RFTN1: variants seen among roughly 807,000 people sequenced by gnomAD.
The protein encoded by RFTN1 is raftlin.
Under a neutral mutation model 46.5 loss-of-function variants are expected in RFTN1, and 26 were observed. The observed-to-expected ratio is 0.56, with a 90% CI of 0.41 to 0.78. RFTN1 has a LOEUF of 0.78. Among genes scored for constraint, RFTN1 ranks in the 30% least tolerant of loss-of-function variants. The probability of loss-of-function intolerance (pLI) is 0.00; values close to 1 mark genes in which losing one functional copy is unlikely to be tolerated. For synonymous variants in RFTN1, 261 were observed against 284.2 expected (o/e 0.92, Z 0.82); for missense variants, 693 against 718.7 (o/e 0.96, Z 0.41).
chr3:16,391,862 TTTTTTTG>T (rs1180302524), intron 4 of RFTN1, among the ~76,000 whole-genome samples: 1 of 30,694 alleles, frequency 3.3e-5, no homozygotes, highest in Non-Finnish European at 7.6e-5. Context: ...GCAAAGGTTT[TTTTTTTG>T]TTTTTTTTTT....
In RFTN1 at chr3:16,473,502, G is replaced by A. The variant is rs1170074346; in HGVS notation, c.145+20223C>T. On this transcript the variant is annotated intron_variant, in intron 2 of 9. Transcript: ENST00000334133. The surrounding 1 kb of genome is among the most constrained non-coding windows in gnomAD (Gnocchi z 5.3). ...TGCAATCTCTGCCTCCTGGGTTCAA[G>A]CAATTCTCCTGCCTCAGCCTCCCAA... Among the ~76,000 whole-genome samples the A allele has an allele frequency of 6.6e-6, 1 of 151,584 alleles. No individual in the cohort carries two copies. The highest frequency in any genetic ancestry group is 2.4e-5 in the African/African-American group (1 of 41,178).
chr3:16,358,068 G>C, intron 6 of RFTN1, 21 bp from the exon 7 acceptor site: 1 of 1,297,358 alleles, frequency 7.7e-7, no homozygotes, highest in Non-Finnish European at 1.1e-6. Flanking sequence ...AGAAAAAGGC[G>C]GGGGTGGGGG....
intron 7 of RFTN1, among the ~76,000 whole-genome samples, chr3:16,331,850 A>G (rs995395433): frequency 6.6e-6 from 1 of 152,208 alleles, no homozygotes; most frequent in African/African-American, 2.4e-5. Flanking sequence ...GAATCCGTGC[A>G]TTTCTAAAAA....
rs909592045 is a variant in RFTN1 at position 16,483,747 on chromosome 3, C to G, written c.145+9978G>C. ...CACTAGTATAATTTTTTTCTGCCAT[C>G]TCCACTCAAATTAAAAAAAAAAAAA... On this transcript the variant is annotated intron_variant, in intron 2 of 9. Transcript: ENST00000334133. This position sits in a 1 kb window ranked among gnomAD's most constrained non-coding sequence, Gnocchi z 4.8. Among the ~76,000 whole-genome samples the G allele has an allele frequency of 1.3e-5, 2 of 150,096 alleles. No individual in the cohort carries two copies. Among genetic ancestry groups the G allele is most frequent in the African/African-American group, 2.5e-5 (1 of 40,690 alleles).
intron 5 of RFTN1, among the ~76,000 whole-genome samples, chr3:16,371,711 G>T (rs539068801): frequency 7.6e-4 from 115 of 152,302 alleles, no homozygotes; most frequent in African/African-American, 2.6e-3. Context: ...GCCCGTCTTT[G>T]GAAGTGGCCA....
rs2071527060 is a variant in RFTN1, at chr3:16,344,716, A to G, written c.1146+13216T>C. 6.6e-6 allele frequency among the ~76,000 whole-genome samples: 1 copy of G among 152,186 alleles called. No homozygotes were observed. Among genetic ancestry groups the G allele is most frequent in the African/African-American group, 2.4e-5 (1 of 41,442 alleles). On this transcript the variant is annotated intron_variant, in intron 7 of 9. Coordinates refer to ENST00000334133, the MANE Select transcript of RFTN1 (RefSeq NM_015150.2). This position sits in a 1 kb window ranked among gnomAD's most constrained non-coding sequence, Gnocchi z 4.4. Reference sequence around the variant, plus strand: ...GCTCATGAAGACAGACCTCCTCCCAATGAAAGCACATCGTTGCCAAGTGCG... The same window carrying G: ...GCTCATGAAGACAGACCTCCTCCCAGTGAAAGCACATCGTTGCCAAGTGCG...
rs111496852 is a variant in RFTN1 at position 16,383,139 on chromosome 3, G to T, written c.442-5037C>A. On this transcript the variant is annotated intron_variant, in intron 4 of 9. Coordinates refer to ENST00000334133, the MANE Select transcript of RFTN1 (RefSeq NM_015150.2). The surrounding 1 kb of genome is among the most constrained non-coding windows in gnomAD (Gnocchi z 4.0). Reference sequence around the variant, plus strand: ...ACCTCACAGAACTACCCAAAGCCATGCCTGGCTTTCGCTCTGAGTATCCTA... The same window carrying T: ...ACCTCACAGAACTACCCAAAGCCATTCCTGGCTTTCGCTCTGAGTATCCTA... Among the ~76,000 whole-genome samples, 115 of 152,254 alleles carry T rather than the reference G, an allele frequency of 7.6e-4. No individual in the cohort carries two copies. Among genetic ancestry groups the T allele is most frequent in the African/African-American group, 2.6e-3 (109 of 41,544 alleles).
intron 3 of RFTN1, chr3:16,415,972 G>A (rs1002129452): frequency 1.3e-5 from 3 of 233,284 alleles, no homozygotes; most frequent in African/African-American, 6.9e-5. Flanking sequence ...TTTAAATTTT[G>A]ATTTGGGTTC....
intron 3 of RFTN1, among the ~76,000 whole-genome samples, chr3:16,417,616 T>A (rs1403343560): frequency 6.6e-6 from 1 of 152,158 alleles, no homozygotes; most frequent in East Asian, 1.9e-4. Flanking sequence ...AGATCTTCAC[T>A]CACCACCACC....
rs1310634643 is a variant in RFTN1 at position 16,337,974 on chromosome 3, AAG to A, written c.1147-11100_1147-11099del. On this transcript the variant is annotated intron_variant, in intron 7 of 9. Coordinates refer to ENST00000334133, the MANE Select transcript of RFTN1 (RefSeq NM_015150.2). This position sits in a 1 kb window ranked among gnomAD's most constrained non-coding sequence, Gnocchi z 5.0. ...CAGCAGTGCCACCAGCTTGCCCTGG[AAG>A]AGAGAGATAAAAACCCACACTGGGT... Among the ~76,000 whole-genome samples, 7 of 152,158 alleles carry A rather than the reference AAG, an allele frequency of 4.6e-5. No homozygotes were observed. The highest frequency in any genetic ancestry group is 1.7e-4 in the African/African-American group (7 of 41,438).
Position 16,475,629 on chromosome 3 carries a change from T to C in RFTN1, c.145+18096A>G, listed in dbSNP as rs1443835003. ...ACCTGGAGAGTCTCTAGAGTGCCTCTTGGTACTTCCATGTCCAAGAGTAAA... is the reference window on the plus strand; with the variant it reads ...ACCTGGAGAGTCTCTAGAGTGCCTCCTGGTACTTCCATGTCCAAGAGTAAA... On this transcript the variant is annotated intron_variant, in intron 2 of 9. Coordinates refer to ENST00000334133, the MANE Select transcript of RFTN1 (RefSeq NM_015150.2). This position sits in a 1 kb window ranked among gnomAD's most constrained non-coding sequence, Gnocchi z 4.2. 2.0e-5 allele frequency among the ~76,000 whole-genome samples: 3 copies of C among 152,188 alleles called. No homozygotes were observed. Among genetic ancestry groups the C allele is most frequent in the Non-Finnish European group, 4.4e-5 (3 of 68,022 alleles).
chr3:16,508,384 T>C (rs1411668577), intron 1 of RFTN1, among the ~76,000 whole-genome samples: 1 of 152,212 alleles, frequency 6.6e-6, no homozygotes, highest in Non-Finnish European at 1.5e-5. Flanking sequence ...CACTGCAGAA[T>C]GTCACCTGAT....
At chr3:16,350,005 G>A (rs912417249) in intron 7 of RFTN1, 1 of 151,964 alleles carries the variant, frequency 6.6e-6, no homozygotes, top group African/African-American at 2.4e-5. Flanking sequence ...AGGGTAATGT[G>A]CTTTACTCTT....
rs1483969558 is a variant in RFTN1 at position 16,348,224 on chromosome 3, C to G, written c.1146+9708G>C. On this transcript the variant is annotated intron_variant, in intron 7 of 9. Coordinates refer to ENST00000334133, the MANE Select transcript of RFTN1 (RefSeq NM_015150.2). The surrounding 1 kb of genome is among the most constrained non-coding windows in gnomAD (Gnocchi z 6.3). ...AAGTGCTGCCTGTTTGAGGTGAAAG[C>G]ATGATGGTAAAAAGGAAGCCGAGGC... 6.6e-6 allele frequency among the ~76,000 whole-genome samples: 1 copy of G among 151,974 alleles called. No homozygotes were observed. Among genetic ancestry groups the G allele is most frequent in the Non-Finnish European group, 1.5e-5 (1 of 67,998 alleles).
In RFTN1 at chr3:16,493,828, T is replaced by G. The variant is rs1322606632; in HGVS notation, c.42A>C (p.Lys14Asn). 4.3e-6 allele frequency: 7 copies of G among 1,613,996 alleles called. No individual in the cohort carries two copies. In the East Asian group the frequency reaches 6.7e-5, roughly 15 times the overall value. The change falls in exon 2 of 10, where the codon AAA becomes AAC. Residue 14 changes from lysine to asparagine, a missense_variant. By Grantham distance (94) the Lys-to-Asn change is moderately conservative (BLOSUM62 0). Coordinates refer to ENST00000334133, the MANE Select transcript of RFTN1 (RefSeq NM_015150.2). Reference sequence around the variant, plus strand: ...AAGTTGAATAAATATTCCCAGGCCGTTTTTCATCACGTTTCTCTAACTTGT... The same window carrying G: ...AAGTTGAATAAATATTCCCAGGCCGGTTTTCATCACGTTTCTCTAACTTGT... ...GLNKLEKRDE[K>N]RPGNIYSTLK...
chr3:16,464,139 G>A (rs949319024), intron 2 of RFTN1, among the ~76,000 whole-genome samples: 1 of 152,148 alleles, frequency 6.6e-6, no homozygotes, highest in African/African-American at 2.4e-5. Context: ...CTGTCTTGAA[G>A]GGAAAGCCAA....
chr3:16,318,659 G>A (rs980062365), intron 9 of RFTN1, among the ~76,000 whole-genome samples: 1 of 152,214 alleles, frequency 6.6e-6, no homozygotes, highest in African/African-American at 2.4e-5. Flanking sequence ...GTAATGGAAT[G>A]TTCCATTAAA....
At chr3:16,378,302 G>GT (rs1388693476) in intron 4 of RFTN1, among the ~76,000 whole-genome samples, 200 bp from the exon 5 acceptor site, 7 of 152,176 alleles carry the variant, frequency 4.6e-5, no homozygotes, top group African/African-American at 1.4e-4. Context: ...TTTTTAATTT[G>GT]TTTTAACTAT....
At position 16,422,121 on chromosome 3, in the gene RFTN1, A is replaced by G. The variant is rs2075197576; in HGVS notation, c.332+11730T>C. Reference sequence around the variant, plus strand: ...TTGGTAACCACTGTTTAGATAGTACATAGAATTTCCAGAATTATTATGAAG... The same window carrying G: ...TTGGTAACCACTGTTTAGATAGTACGTAGAATTTCCAGAATTATTATGAAG... On this transcript the variant is annotated intron_variant, in intron 3 of 9. Coordinates refer to ENST00000334133, the MANE Select transcript of RFTN1 (RefSeq NM_015150.2). This position sits in a 1 kb window ranked among gnomAD's most constrained non-coding sequence, Gnocchi z 4.6. Among the ~76,000 whole-genome samples, 1 of 152,244 alleles carries G rather than the reference A, an allele frequency of 6.6e-6. No homozygotes were observed. Among genetic ancestry groups the G allele is most frequent in the African/African-American group, 2.4e-5 (1 of 41,468 alleles).
Sources: gnomAD v4.1 joint callset for allele counts (sites outside exome capture counted in the v4.1 genomes callset) on GRCh38, gnomAD v4.1.1 for gene constraint, Gnocchi (gnomAD v3.1) non-coding constraint, MANE v1.5 for transcripts, NCBI Gene and HGNC (gene_info 2026-07-23, HGNC 2026-07-21) for gene names.